Variants in HEATR5B observed in about 807,000 individuals in gnomAD.
HEATR5B encodes HEAT repeat-containing protein 5B.
HEATR5B carries 156 observed loss-of-function variants against 224.1 expected under a neutral mutation model. The ratio of observed to expected loss-of-function variants is 0.70; its 90% CI spans 0.61 to 0.80. HEATR5B has a LOEUF of 0.80. Ranked by LOEUF, HEATR5B falls within the 30% of genes least tolerant of loss-of-function variation. HEATR5B has a pLI of 0.00. For synonymous variants in HEATR5B, 1,027 were observed against 893.0 expected (o/e 1.15, Z -2.68); for missense variants, 2,323 against 2,535.5 (o/e 0.92, Z 1.80).
At chr2:37,005,996 C>A (rs937930571) in intron 29 of HEATR5B, among the ~76,000 whole-genome samples, 2 of 152,082 alleles carry the variant, frequency 1.3e-5, no homozygotes, top group Admixed American at 6.5e-5. Context: ...AATTCCCATG[C>A]CATCAGGTTG....
rs746442343 is a variant in HEATR5B at position 37,056,548 on chromosome 2, A to G, written c.2291T>C (p.Ile764Thr). 12 of 1,613,448 alleles carry G rather than the reference A, an allele frequency of 7.4e-6. No individual in the cohort carries two copies. The highest frequency in any genetic ancestry group is 2.2e-5 in the South Asian group (2 of 91,050). ...ACCAGGTACTGCTTCTCCAGCAGGT[A>G]TGCGTAAATAAATAGAGGAAGGATC... ...EHDPSSIYLR[I>T]PAGEAVPGPL... Residue 764 changes from isoleucine to threonine, a missense_variant, in exon 16 of 36, where the codon ATA becomes ACA. Transcript: ENST00000233099.
chr2:37,009,016 T>C (rs917981073), intron 27 of HEATR5B, among the ~76,000 whole-genome samples, 168 bp from the exon 28 acceptor site: 1 of 151,990 alleles, frequency 6.6e-6, no homozygotes, highest in Non-Finnish European at 1.5e-5. Flanking sequence ...TCCCAGGACT[T>C]TGGGAGGCCA....
At chr2:37,045,111 TTTCCTGTAC>T (rs1290730403) in intron 18 of HEATR5B, among the ~76,000 whole-genome samples, 4 of 152,228 alleles carry the variant, frequency 2.6e-5, no homozygotes, top group African/African-American at 9.6e-5. Flanking sequence ...ATGCTCAGGT[TTTCCTGTAC>T]TTCCTTGAAA....
intron 18 of HEATR5B, among the ~76,000 whole-genome samples, chr2:37,045,020 T>C (rs1670101964): frequency 6.6e-6 from 1 of 152,172 alleles, no homozygotes; most frequent in Non-Finnish European, 1.5e-5. Flanking sequence ...GTAAATCCTA[T>C]CCAGTGCATT....
At position 37,020,687 on chromosome 2, in the gene HEATR5B, C is replaced by G. The variant is rs1197777822; in HGVS notation, c.4003G>C (p.Gly1335Arg). ...FASVPEPEFP[G>R]HVILEQYQAN... Reference sequence around the variant, plus strand: ...TGATACTGCTCCAGTATCACATGACCTGGAAATTCTGGCTCAGGCACAGAC... The same window carrying G: ...TGATACTGCTCCAGTATCACATGACGTGGAAATTCTGGCTCAGGCACAGAC... The change falls in exon 25 of 36, where the codon GGT becomes CGT. Residue 1335 changes from glycine to arginine, a missense_variant. By Grantham distance (125) the Gly-to-Arg change is moderately radical. This residue lies in a region of HEATR5B where 339 missense variants were observed against 378.4 expected (regional missense o/e 0.90). Coordinates refer to ENST00000233099, the MANE Select transcript of HEATR5B (RefSeq NM_019024.3). The G allele has an allele frequency of 6.3e-7, 1 of 1,591,022 alleles. No individual in the cohort carries two copies. The highest frequency in any genetic ancestry group is 8.5e-7 in the Non-Finnish European group (1 of 1,174,552).
In HEATR5B at chr2:36,989,835, T is replaced by A. The variant is rs553251437; in HGVS notation, c.5697+813A>T. 2.0e-5 allele frequency among the ~76,000 whole-genome samples: 3 copies of A among 151,386 alleles called. No homozygotes were observed. The South Asian group carries it at 6.3e-4, about 32-fold the overall frequency. ...CTGAAGAACATTTTAAATATACAGATCTTGGAGCCACCTATCTGGAGACTC... is the reference window on the plus strand; with the variant it reads ...CTGAAGAACATTTTAAATATACAGAACTTGGAGCCACCTATCTGGAGACTC... On this transcript the variant is annotated intron_variant, in intron 34 of 35. Transcript: ENST00000233099.
At chr2:37,041,366 A>G in intron 18 of HEATR5B, 74 bp from the exon 19 acceptor site, 1 of 1,341,758 alleles carries the variant, frequency 7.5e-7, no homozygotes. Flanking sequence ...TAAGTCACAC[A>G]AAAACTGGGA....
chr2:36,985,322 TCA>T (rs1665871368), intron 35 of HEATR5B, among the ~76,000 whole-genome samples: 1 of 152,204 alleles, frequency 6.6e-6, no homozygotes, highest in Non-Finnish European at 1.5e-5. Flanking sequence ...AGTCTTAGAT[TCA>T]GTTTTAATTT....
At chr2:37,039,083 G>C (rs942576347) in intron 20 of HEATR5B, among the ~76,000 whole-genome samples, 2 of 151,748 alleles carry the variant, frequency 1.3e-5, no homozygotes, top group African/African-American at 4.8e-5. Context: ...CACTTTGCAA[G>C]GCTGAGATGG....
intron 17 of HEATR5B, among the ~76,000 whole-genome samples, chr2:37,053,026 G>A (rs1341264378): frequency 6.6e-6 from 1 of 152,106 alleles, no homozygotes; most frequent in Non-Finnish European, 1.5e-5. Flanking sequence ...CATACCTGTA[G>A]AAACTACAAC....
At chr2:36,999,728 C>T (rs1000175946) in intron 33 of HEATR5B, among the ~76,000 whole-genome samples, 1 of 151,566 alleles carries the variant, frequency 6.6e-6, no homozygotes, top group African/African-American at 2.4e-5. Context: ...TTTAAAACCT[C>T]CCGGCCGGGT....
chr2:37,018,380 A>AT (rs1321735593), intron 26 of HEATR5B, among the ~76,000 whole-genome samples: 1 of 152,192 alleles, frequency 6.6e-6, no homozygotes, highest in East Asian at 1.9e-4. Context: ...ATGGACAGTA[A>AT]TTTTTTGATA....
chr2:36,995,084 C>CTTTTTTTTTTTT (rs1182897485), intron 33 of HEATR5B, among the ~76,000 whole-genome samples: 8 of 93,674 alleles, frequency 8.5e-5, no homozygotes, highest in Admixed American at 9.2e-5. Context: ...CTTGTTATTC[C>CTTTTTTTTTTTT]TTGTTTTTTT....
chr2:37,003,549 G>C lies in HEATR5B; in HGVS notation c.5043C>G (p.Asn1681Lys). ...AAQDYLQEKR[N>K]TLNEDDMEKE... is the part of the protein sequence containing the mutation. ...GTAATTTCTAGTGCTTACTTAGAGT[G>C]TTTCTTTTCTCTTGCAAATAATCCT... Residue 1681 changes from asparagine (N) to lysine (K), a missense_variant, in exon 31 of 36, where the codon AAC becomes AAG. By Grantham distance (94) the Asn-to-Lys change is moderately conservative. Transcript: ENST00000233099. 6.2e-7 allele frequency: 1 copy of C among 1,602,316 alleles called. No homozygotes were observed. Among genetic ancestry groups the C allele is most frequent in the Non-Finnish European group, 8.5e-7 (1 of 1,173,316 alleles).
chr2:37,062,116 C>T, intron 10 of HEATR5B, 66 bp from the exon 11 acceptor site: 1 of 959,636 alleles, frequency 1.0e-6, no homozygotes, highest in Non-Finnish European at 1.7e-6. Context: ...AAACAGATAA[C>T]TAGCATACAT....
chr2:37,045,997 C>T (rs936393321), intron 18 of HEATR5B, among the ~76,000 whole-genome samples: 8 of 152,120 alleles, frequency 5.3e-5, no homozygotes, highest in African/African-American at 1.7e-4. Context: ...AAGTCCTGTA[C>T]ATTCTTTTAA....
chr2:37,072,206 T>TAA lies in HEATR5B; in HGVS notation c.671_672dup (p.Lys225LeufsTer19). On this transcript the variant is annotated frameshift_variant, in exon 6 of 36. Transcript: ENST00000233099. LOFTEE classifies it high-confidence loss of function. ...CCATAATTTGAGTTTTCCAAAGCCT[T>TAA]AAAGCAGAGAGTGGCTATATTTTCT... 1.9e-6 allele frequency: 3 copies of TAA among 1,613,832 alleles called. No individual in the cohort carries two copies. The highest frequency in any genetic ancestry group is 2.5e-6 in the Non-Finnish European group (3 of 1,179,722).
chr2:37,007,650 T>C (rs192356601), intron 28 of HEATR5B, among the ~76,000 whole-genome samples: 3 of 152,336 alleles, frequency 2.0e-5, no homozygotes, highest in East Asian at 1.9e-4. Flanking sequence ...ATTACTATTA[T>C]ACATGTTCGC....
intron 12 of HEATR5B, 43 bp downstream of exon 12, chr2:37,060,533 TTTTAG>T: frequency 7.0e-7 from 1 of 1,438,502 alleles, no homozygotes; most frequent in Non-Finnish European, 9.3e-7. Flanking sequence ...TTTACAAATA[TTTTAG>T]TTATGTCATA....
Sources: allele counts gnomAD v4.1 joint callset (sites outside exome capture counted in the v4.1 genomes callset), GRCh38; gene constraint gnomAD v4.1.1; regional missense constraint gnomAD v4.1.1; transcripts MANE v1.5; gene names NCBI Gene and HGNC (gene_info 2026-07-23, HGNC 2026-07-21).